Variants in POU2F2 observed in about 807,000 individuals in gnomAD.
POU2F2 encodes POU domain, class 2, transcription factor 2.
A neutral mutation model predicts 63.5 loss-of-function variants in POU2F2; 14 were observed. That is an observed-to-expected ratio of 0.22 (90% confidence interval 0.15 to 0.34). POU2F2 has a LOEUF of 0.34. Ranked by LOEUF, POU2F2 falls within the 10% of genes least tolerant of loss-of-function variation. The pLI, the probability that POU2F2 is intolerant of heterozygous loss-of-function variation, is 1.00. For synonymous variants in POU2F2, 306 were observed against 348.6 expected, an observed-to-expected ratio of 0.88 and a Z score of 1.36; for missense variants, 607 against 815.2, an observed-to-expected ratio of 0.74 and a Z score of 3.11.
At chr19:42,109,865 T>C (rs1412300042) in intron 5 of POU2F2, among the ~76,000 whole-genome samples, 1 of 152,220 alleles carries the variant, frequency 6.6e-6, no homozygotes, top group Admixed American at 6.5e-5. Context: ...ATAAGTATGC[T>C]AATTAGCCTG....
intron 4 of POU2F2, among the ~76,000 whole-genome samples, chr19:42,121,674 C>A (rs577284269): frequency 1.3e-5 from 2 of 152,298 alleles, no homozygotes; most frequent in African/African-American, 2.4e-5. Flanking sequence ...AGGCACAGGG[C>A]CCCATCTGGA....
chr19:42,178,086 C>T (rs2146811667), upstream of POU2F2, among the ~76,000 whole-genome samples: 1 of 151,538 alleles, frequency 6.6e-6, no homozygotes, highest in East Asian at 1.9e-4. Flanking sequence ...GTATAGGGGA[C>T]ATGGAGGCAG....
rs185876263 is a variant in POU2F2, at chr19:42,151,778, A to G, written c.-9+8554T>C. Among the ~76,000 whole-genome samples the G allele has an allele frequency of 1.2e-3, 183 of 152,206 alleles. 1 individual carries two copies. Among genetic ancestry groups the G allele is most frequent in the Middle Eastern group, 6.8e-3 (2 of 294 alleles). ...GTCAGGGGAGGTTTGGTGGGGGCAG[A>G]TGGTAGAAGGTTCTATGGAGAGGGA... On this transcript the variant is annotated intron_variant, in intron 2 of 6. Coordinates refer to the POU2F2 transcript ENST00000524801.
At chr19:42,186,878 TAGG>T (rs1481503734) in intron 1 of POU2F2, among the ~76,000 whole-genome samples, 3 of 151,752 alleles carry the variant, frequency 2.0e-5, no homozygotes, top group African/African-American at 7.3e-5. Flanking sequence ...CAGGAGAAAA[TAGG>T]AGGAGGCACA....
intron 2 of POU2F2, among the ~76,000 whole-genome samples, chr19:42,141,839 CACTA>C (rs2034134546): frequency 6.6e-6 from 1 of 152,096 alleles, no homozygotes; most frequent in South Asian, 2.1e-4. Flanking sequence ...CAAACATGTT[CACTA>C]ACTACATCAA....
At position 42,196,382 on chromosome 19, in the gene POU2F2, C is replaced by T. The variant is rs1293513582; in HGVS notation, c.-70+1G>A. On this transcript the variant is annotated splice_donor_variant, in intron 1 of 5. Coordinates refer to the POU2F2 transcript ENST00000532176. LOFTEE classifies it low-confidence loss of function (5UTR_SPLICE). ...GGTGGTGGCGGCACGTTCTCACTTA[C>T]CTCTGACTCTGTCCGTCTTACTACA... 6.6e-6 allele frequency: 1 copy of T among 152,402 alleles called. No individual in the cohort carries two copies. Among genetic ancestry groups the T allele is most frequent in the East Asian group, 1.9e-4 (1 of 5,186 alleles). 9.4% of individuals were successfully genotyped at this position (152,402 alleles called of 1,614,324 possible). A position where few individuals can be genotyped will look rare whatever the true frequency, so the allele number is the denominator to read the frequency against.
intron 2 of POU2F2, among the ~76,000 whole-genome samples, chr19:42,149,170 G>A (rs1242726940): frequency 2.0e-5 from 3 of 152,100 alleles, no homozygotes; most frequent in African/African-American, 7.2e-5. Flanking sequence ...CTTTTCAGGG[G>A]AAACCAAGGC....
chr19:42,136,179 T>C (rs542025317), upstream of POU2F2, among the ~76,000 whole-genome samples: 29 of 150,246 alleles, frequency 1.9e-4, no homozygotes, highest in East Asian at 2.0e-3. Context: ...TTGTGGTCTA[T>C]GCTTTCCTTT....
rs1260095847 is a variant in POU2F2, at chr19:42,089,942, G to A, written c.*1315C>T. On this transcript the variant is annotated 3_prime_UTR_variant, in exon 15 of 15. Transcript: ENST00000692977. ...TCCAGCCAAGAGTTGTGGAGGTCTT[G>A]TGGGAGTGGTGGCCACCACCGCGCC... 6.6e-6 allele frequency: 1 copy of A among 151,950 alleles called. No homozygotes were observed. The highest frequency in any genetic ancestry group is 1.5e-5 in the Non-Finnish European group (1 of 68,004). 9.4% of individuals were successfully genotyped at this position (151,950 alleles called of 1,614,324 possible). A position where few individuals can be genotyped will look rare whatever the true frequency, so the allele number is the denominator to read the frequency against.
Position 42,096,480 on chromosome 19 carries a change from A to T in POU2F2, c.568-237T>A, listed in dbSNP as rs927478722. On this transcript the variant is annotated intron_variant, in intron 7 of 14. Coordinates refer to ENST00000692977, the MANE Select transcript of POU2F2 (RefSeq NM_001394376.1). This position sits in a 1 kb window ranked among gnomAD's most constrained non-coding sequence, Gnocchi z 4.1. ...TACATGGGTTTCCTCATTGCCTGGG[A>T]CTCTCTGCACTGTCCCTTCACGCCT... 1.3e-5 allele frequency among the ~76,000 whole-genome samples: 2 copies of T among 151,956 alleles called. No homozygotes were observed. Among genetic ancestry groups the T allele is most frequent in the African/African-American group, 4.8e-5 (2 of 41,366 alleles).
intron 1 of POU2F2, among the ~76,000 whole-genome samples, chr19:42,189,479 C>T (rs1032663613): frequency 1.3e-5 from 2 of 152,218 alleles, no homozygotes; most frequent in Non-Finnish European, 2.9e-5. Flanking sequence ...TGCTACTGCC[C>T]TGGTTCTAGT....
Position 42,091,374 on chromosome 19 carries a change from A to G in POU2F2, c.1758T>C (p.Pro586=), listed in dbSNP as rs1371076041. 1.3e-6 allele frequency: 2 copies of G among 1,541,066 alleles called. No individual in the cohort carries two copies. Among genetic ancestry groups the G allele is most frequent in the Non-Finnish European group, 8.7e-7 (1 of 1,146,836 alleles). The part of the protein sequence containing the change: ...AVAASISSKS[P]GLSSSSSSSS... ...ATGAAGAGGATGAGGAGGAGAGGCC[A>G]GGAGACTTGCTGGAGATGGAGGCTG... The change falls in exon 15 of 15, where the codon CCT becomes CCC. Residue 586 remains proline (P), a synonymous_variant. Transcript: ENST00000692977.
At chr19:42,142,581 G>A (rs1215439097) in intron 2 of POU2F2, among the ~76,000 whole-genome samples, 2 of 150,282 alleles carry the variant, frequency 1.3e-5, no homozygotes, top group Non-Finnish European at 3.0e-5. Flanking sequence ...TTTTGTTTTT[G>A]AGACAGGGTC....
chr19:42,174,313 C>T (rs375590836), intron 1 of POU2F2, among the ~76,000 whole-genome samples: 2 of 152,310 alleles, frequency 1.3e-5, no homozygotes, highest in East Asian at 3.9e-4. Context: ...TATGTTCAGA[C>T]CTAGTACCCA....
intron 4 of POU2F2, among the ~76,000 whole-genome samples, chr19:42,121,371 TC>T (rs2032590358): frequency 6.6e-6 from 1 of 152,042 alleles, no homozygotes; most frequent in Non-Finnish European, 1.5e-5. Flanking sequence ...GGCCATCCCA[TC>T]CGACTGCCCC....
chr19:42,197,913 C>T (rs945712005), upstream of POU2F2, among the ~76,000 whole-genome samples: 3 of 152,248 alleles, frequency 2.0e-5, no homozygotes, highest in South Asian at 6.2e-4. Context: ...CAGCAGCTCA[C>T]GCCTGTAATC....
At chr19:42,099,922 C>T in intron 5 of POU2F2, 101 bp from the exon 6 acceptor site, 1 of 918,140 alleles carries the variant, frequency 1.1e-6, no homozygotes, top group Non-Finnish European at 1.7e-6. Flanking sequence ...CAGGAAGCTG[C>T]TCCACATGGC....
At chr19:42,159,563 A>G (rs1197186407) in intron 2 of POU2F2, among the ~76,000 whole-genome samples, 2 of 152,066 alleles carry the variant, frequency 1.3e-5, no homozygotes, top group Non-Finnish European at 2.9e-5. Context: ...CTAGATGCTC[A>G]TTGCCAGGGC....
chr19:42,166,637 G>A (rs924384542), intron 1 of POU2F2, among the ~76,000 whole-genome samples: 2 of 152,122 alleles, frequency 1.3e-5, no homozygotes, highest in Non-Finnish European at 2.9e-5. Context: ...TGTGCGTCAG[G>A]GGGTGAGCAG....
Sources: gnomAD v4.1 joint callset for allele counts (sites outside exome capture counted in the v4.1 genomes callset) on GRCh38, gnomAD v4.1.1 for gene constraint, Gnocchi (gnomAD v3.1) non-coding constraint, MANE v1.5 for transcripts, NCBI Gene and HGNC (gene_info 2026-07-23, HGNC 2026-07-21) for gene names.